ARFGEF3: variants seen among roughly 807,000 people sequenced by gnomAD.
ARFGEF3 encodes brefeldin A-inhibited guanine nucleotide-exchange protein 3.
ARFGEF3 carries 96 observed loss-of-function variants against 221.7 expected under a neutral mutation model. The observed-to-expected ratio is 0.43, with a 90% CI of 0.37 to 0.51. ARFGEF3 has a LOEUF of 0.51. Ranked by LOEUF, ARFGEF3 falls within the 20% of genes least tolerant of loss-of-function variation. ARFGEF3 has a pLI of 0.00. For missense variants in ARFGEF3, 2,410 were observed against 2,789.9 expected (o/e 0.86, Z 3.07); for synonymous variants, 1,145 against 1,126.8 (o/e 1.02, Z -0.32).
intron 4 of ARFGEF3, among the ~76,000 whole-genome samples, chr6:138,214,299 T>A (rs756240193): frequency 6.6e-6 from 1 of 152,260 alleles, no homozygotes; most frequent in Non-Finnish European, 1.5e-5. Flanking sequence ...TAATTTAGTC[T>A]TGGCACTTCT....
At chr6:138,221,113 G>A (rs1001642442) in intron 4 of ARFGEF3, among the ~76,000 whole-genome samples, 1 of 152,118 alleles carries the variant, frequency 6.6e-6, no homozygotes, top group African/African-American at 2.4e-5. Context: ...GGTCCAGGTG[G>A]GAAGATTGGT....
chr6:138,296,288 G>A (rs1779519042), intron 20 of ARFGEF3, among the ~76,000 whole-genome samples: 1 of 152,204 alleles, frequency 6.6e-6, no homozygotes, highest in Non-Finnish European at 1.5e-5. Flanking sequence ...GACAGTGAAA[G>A]GTGACAGTAA....
At chr6:138,186,788 G>A (rs79282582) in intron 2 of ARFGEF3, among the ~76,000 whole-genome samples, 2,408 of 152,108 alleles carry the variant, frequency 0.016, 34 homozygotes, top group Middle Eastern at 0.058. Flanking sequence ...AAGTGTCTGA[G>A]CCAGGATAAA....
chr6:138,317,286 C>T lies in ARFGEF3; in HGVS notation c.4381C>T (p.Leu1461=). ...AGTCTGGATAATCCTGCTGGAGCAGCTGACAGCGGCTGTGTCCAATTGTCC... is the reference window on the plus strand; with the variant it reads ...AGTCTGGATAATCCTGCTGGAGCAGTTGACAGCGGCTGTGTCCAATTGTCC... The part of the protein sequence containing the change: ...IEVWIILLEQ[L]TAAVSNCPRQ... The change falls in exon 27 of 34, where the codon CTG becomes TTG. Residue 1461 remains leucine (L), a synonymous_variant. Transcript: ENST00000251691. The T allele has an allele frequency of 2.5e-6, 4 of 1,613,958 alleles. No homozygotes were observed. Among genetic ancestry groups the T allele is most frequent in the Non-Finnish European group, 3.4e-6 (4 of 1,179,878 alleles).
chr6:138,169,526 A>G (rs2114426909), intron 1 of ARFGEF3, among the ~76,000 whole-genome samples: 1 of 152,302 alleles, frequency 6.6e-6, no homozygotes, highest in African/African-American at 2.4e-5. Context: ...CTTGGGGAGC[A>G]GCATCGGCTC....
intron 7 of ARFGEF3, among the ~76,000 whole-genome samples, chr6:138,245,026 G>T (rs1015578739): frequency 6.6e-6 from 1 of 152,154 alleles, no homozygotes; most frequent in African/African-American, 2.4e-5. Context: ...TATAAGCCAG[G>T]CGCGGTGGTT....
intron 31 of ARFGEF3, 90 bp from the exon 32 acceptor site, chr6:138,327,931 C>T: frequency 9.5e-7 from 1 of 1,047,800 alleles, no homozygotes; most frequent in Non-Finnish European, 1.4e-6. Flanking sequence ...ATAGATGAGG[C>T]TCAACTTGCC....
At position 138,343,371 on chromosome 6, in the gene ARFGEF3, A is replaced by T. The variant is rs1583077529; in HGVS notation, c.*6885A>T. 1 of 152,288 alleles carries T rather than the reference A, an allele frequency of 6.6e-6. No individual in the cohort carries two copies. Among genetic ancestry groups the T allele is most frequent in the Non-Finnish European group, 1.5e-5 (1 of 68,010 alleles). 9.4% of individuals were successfully genotyped at this position (152,288 alleles called of 1,614,324 possible). On this transcript the variant is annotated 3_prime_UTR_variant, in exon 34 of 34. Transcript: ENST00000251691. ...GGAAATGATTATATTTACTAGAATT[A>T]GTGAGATCAGAAAGCATATCAGAAT... is the stretch of plus-strand genomic sequence containing the variant.
intron 1 of ARFGEF3, among the ~76,000 whole-genome samples, chr6:138,167,428 G>A (rs1220028711): frequency 6.6e-6 from 1 of 152,146 alleles, no homozygotes; most frequent in Non-Finnish European, 1.5e-5. Context: ...TGGCTTGCAG[G>A]CACTCAGCTC....
intron 8 of ARFGEF3, 21 bp downstream of exon 8, chr6:138,245,612 C>T (rs184233495): frequency 2.4e-4 from 371 of 1,571,236 alleles, no homozygotes; most frequent in Admixed American, 2.3e-3. Flanking sequence ...TAACCACTGC[C>T]GCTTTTCTTT....
intron 19 of ARFGEF3, 46 bp downstream of exon 19, chr6:138,292,099 C>A: frequency 7.4e-7 from 1 of 1,355,594 alleles, no homozygotes; most frequent in Non-Finnish European, 9.5e-7. Context: ...GCTTACCAGG[C>A]GACACCCACA....
chr6:138,260,582 AG>A (rs1463276699), intron 10 of ARFGEF3, among the ~76,000 whole-genome samples: 1 of 152,240 alleles, frequency 6.6e-6, no homozygotes, highest in Admixed American at 6.5e-5. Context: ...AAAAGCAGAA[AG>A]CCTTAATGTC....
At chr6:138,221,800 C>G (rs1206195283) in intron 4 of ARFGEF3, among the ~76,000 whole-genome samples, 2 of 152,088 alleles carry the variant, frequency 1.3e-5, no homozygotes, top group Admixed American at 1.3e-4. Flanking sequence ...CGTGACATGA[C>G]CATAAACCAA....
intron 2 of ARFGEF3, among the ~76,000 whole-genome samples, chr6:138,197,033 A>C (rs570285292): frequency 7.2e-5 from 11 of 152,192 alleles, no homozygotes; most frequent in African/African-American, 2.6e-4. Flanking sequence ...GGGTTTCTCC[A>C]TGTTGGTCAG....
At chr6:138,328,251 T>C in intron 32 of ARFGEF3, 109 bp downstream of exon 32, 1 of 1,289,436 alleles carries the variant, frequency 7.8e-7, no homozygotes, top group South Asian at 1.6e-5. Flanking sequence ...CTGAAAACAT[T>C]TGTGGAGTCA....
In ARFGEF3 at chr6:138,280,306, C is replaced by G. The variant is rs1583046792; in HGVS notation, c.2461+142C>G. 1.2e-5 allele frequency: 9 copies of G among 777,154 alleles called. No individual in the cohort carries two copies. In the East Asian group the frequency reaches 2.4e-4, roughly 21 times the overall value. The allele number at this position is 777,154 out of a possible 1,614,324, so 48.1% of individuals were successfully genotyped here. A position where few individuals can be genotyped will look rare whatever the true frequency, so the allele number is the denominator to read the frequency against. ...AGCTTCCCTGGCAATGGTGACAGTT[C>G]CAGGGAAGTGTCATGAGTTCACTTC... On this transcript the variant is annotated intron_variant, in intron 14 of 33. Coordinates refer to ENST00000251691, the MANE Select transcript of ARFGEF3 (RefSeq NM_020340.5).
intron 14 of ARFGEF3, among the ~76,000 whole-genome samples, chr6:138,281,485 TC>T (rs1276930753): frequency 1.3e-5 from 2 of 152,186 alleles, no homozygotes; most frequent in East Asian, 3.8e-4. Context: ...TGCCTTGCAG[TC>T]CCCAGTATCT....
At position 138,215,890 on chromosome 6, in the gene ARFGEF3, A is replaced by AAGAGAG. The variant is rs61160088; in HGVS notation, c.351+5866_351+5871dup. 1.8e-4 allele frequency: 16 copies of AAGAGAG among 89,112 alleles called. No homozygotes were observed. The East Asian group carries it at 3.5e-3, about 20-fold the overall frequency. The allele number at this position is 89,112 out of a possible 1,614,324, so 5.5% of individuals were successfully genotyped here. On this transcript the variant is annotated intron_variant, in intron 4 of 33. Transcript: ENST00000251691. ...TGTGTGTGTGTGTGTGTGTGTGTGA[A>AAGAGAG]AGAGAGAGAGAGAGAGAGAGAGTGT...
chr6:138,252,324 A>G (rs1778597033), intron 8 of ARFGEF3, among the ~76,000 whole-genome samples: 1 of 152,232 alleles, frequency 6.6e-6, no homozygotes, highest in Non-Finnish European at 1.5e-5. Flanking sequence ...TAAAAACAGT[A>G]TTTTTAGTGG....
Sources: gnomAD v4.1 joint callset for allele counts (sites outside exome capture counted in the v4.1 genomes callset) on GRCh38, gnomAD v4.1.1 for gene constraint, MANE v1.5 for transcripts, NCBI Gene and HGNC (gene_info 2026-07-23, HGNC 2026-07-21) for gene names.